The following RIC8B variants were observed in gnomAD, a reference collection of about 807,000 sequenced individuals.
The protein encoded by RIC8B is chaperone Ric-8B.
Under a neutral mutation model 57.5 loss-of-function variants are expected in RIC8B, and 16 were observed. That is an observed-to-expected ratio of 0.28 (90% confidence interval 0.19 to 0.42). RIC8B has a LOEUF of 0.42. RIC8B is among the 10% of genes least tolerant of loss of function. RIC8B has a pLI of 1.00. For missense variants in RIC8B, 481 were observed against 677.0 expected (o/e 0.71, Z 3.21); for synonymous variants, 216 against 250.8 (o/e 0.86, Z 1.31).
intron 7 of RIC8B, among the ~76,000 whole-genome samples, chr12:106,856,924 G>C (rs1949736416): frequency 6.6e-6 from 1 of 152,194 alleles, no homozygotes; most frequent in Non-Finnish European, 1.5e-5. Context: ...CTGGAAGAGG[G>C]AATGCTTGGG....
intron 4 of RIC8B, among the ~76,000 whole-genome samples, chr12:106,829,525 T>G (rs975050479): frequency 3.9e-5 from 6 of 152,248 alleles, no homozygotes; most frequent in Non-Finnish European, 7.3e-5. Context: ...GTCTCACATA[T>G]TGAAGGGGAC....
At chr12:106,838,535 C>CAAAAAAA (rs34383569) in intron 4 of RIC8B, among the ~76,000 whole-genome samples, 1 of 94,804 alleles carries the variant, frequency 1.1e-5, no homozygotes, top group Admixed American at 1.2e-4. Context: ...AATACCCTGT[C>CAAAAAAA]AAAAAAAAAA....
intron 5 of RIC8B, among the ~76,000 whole-genome samples, chr12:106,843,149 C>A (rs1192508003): frequency 1.3e-5 from 2 of 152,098 alleles, no homozygotes; most frequent in African/African-American, 4.8e-5. Flanking sequence ...CAAAAACTTG[C>A]TAAATACTCT....
At chr12:106,819,119 A>G (rs949559540) in intron 3 of RIC8B, among the ~76,000 whole-genome samples, 2 of 152,190 alleles carry the variant, frequency 1.3e-5, no homozygotes, top group Admixed American at 1.3e-4. Flanking sequence ...GAATATATAT[A>G]TACATTTTTA....
intron 5 of RIC8B, 29 bp from the exon 6 acceptor site, chr12:106,843,823 T>C (rs1949066814): frequency 1.3e-6 from 2 of 1,526,268 alleles, no homozygotes; most frequent in Non-Finnish European, 9.0e-7. Context: ...CTAACGTATT[T>C]CAAAAACATA....
intron 9 of RIC8B, among the ~76,000 whole-genome samples, chr12:106,880,616 G>T (rs778036563): frequency 6.6e-6 from 1 of 152,086 alleles, no homozygotes; most frequent in Non-Finnish European, 1.5e-5. Flanking sequence ...TGGTGAAAAG[G>T]GGGCTTGACT....
Position 106,888,832 on chromosome 12 carries a change from A to G in RIC8B, c.*2817A>G, listed in dbSNP as rs1454820655. 3 of 152,234 alleles carry G rather than the reference A, an allele frequency of 2.0e-5. No individual in the cohort carries two copies. The highest frequency in any genetic ancestry group is 6.6e-5 in the Admixed American group (1 of 15,266). 9.4% of individuals were successfully genotyped at this position (152,234 alleles called of 1,614,324 possible). A position where few individuals can be genotyped will look rare whatever the true frequency, so the allele number is the denominator to read the frequency against. On this transcript the variant is annotated 3_prime_UTR_variant, in exon 10 of 10. Coordinates refer to ENST00000392837, the MANE Select transcript of RIC8B (RefSeq NM_001330145.2). ...AGGGTACGGAGGCGTGTGTCCTAAAATAAAGCATTTGAGCTGCTGCTACAG... is the reference window on the plus strand; with the variant it reads ...AGGGTACGGAGGCGTGTGTCCTAAAGTAAAGCATTTGAGCTGCTGCTACAG...
intron 2 of RIC8B, among the ~76,000 whole-genome samples, chr12:106,785,557 T>C (rs2043964987): frequency 6.6e-6 from 1 of 151,960 alleles, no homozygotes; most frequent in Non-Finnish European, 1.5e-5. Context: ...AAAAAGTATT[T>C]ATTGGATGAG....
chr12:106,807,723 CAATT>C lies in RIC8B; in HGVS notation c.133-6970_133-6967del, dbSNP rs2045108561. On this transcript the variant is annotated intron_variant, in intron 2 of 9. Coordinates refer to ENST00000392837, the MANE Select transcript of RIC8B (RefSeq NM_001330145.2). ...TATCAGTTTCCATCACAGTGTCTAA[CAATT>C]AAACTGTTAGATGAGCCTACAGTCA... Among the ~76,000 whole-genome samples the C allele has an allele frequency of 1.3e-5, 2 of 151,992 alleles. 1 individual carries two copies. The highest frequency in any genetic ancestry group is 4.8e-5 in the African/African-American group (2 of 41,290).
intron 4 of RIC8B, among the ~76,000 whole-genome samples, chr12:106,834,702 G>A (rs191366090): frequency 2.8e-4 from 42 of 151,686 alleles, no homozygotes; most frequent in African/African-American, 8.9e-4. Context: ...AAACTATTTC[G>A]GCCGGGTGTA....
intron 2 of RIC8B, among the ~76,000 whole-genome samples, chr12:106,793,634 A>G (rs151155613): frequency 0.013 from 1,974 of 152,322 alleles, 20 homozygotes; most frequent in Middle Eastern, 0.041. Flanking sequence ...AGATCAGTCA[A>G]CCAGCAATTA....
At position 106,849,321 on chromosome 12, in the gene RIC8B, T is replaced by C. The variant is rs200349093; in HGVS notation, c.1162-2129T>C. Reference sequence around the variant, plus strand: ...TTTATTTATTTATTTATTTATTTATTTATCTATTTTTTGTAGAGACAGGGT... The same window carrying C: ...TTTATTTATTTATTTATTTATTTATCTATCTATTTTTTGTAGAGACAGGGT... On this transcript the variant is annotated intron_variant, in intron 6 of 9. Coordinates refer to ENST00000392837, the MANE Select transcript of RIC8B (RefSeq NM_001330145.2). 4.5e-4 allele frequency among the ~76,000 whole-genome samples: 60 copies of C among 134,068 alleles called. 1 individual carries two copies. The highest frequency in any genetic ancestry group is 3.9e-3 in the Middle Eastern group (1 of 258). 88.0% of individuals were successfully genotyped at this position (134,068 alleles called of 152,430 possible). A position where few individuals can be genotyped will look rare whatever the true frequency, so the allele number is the denominator to read the frequency against.
intron 2 of RIC8B, among the ~76,000 whole-genome samples, chr12:106,790,702 A>G (rs554772378): frequency 2.0e-5 from 3 of 152,232 alleles, no homozygotes; most frequent in Non-Finnish European, 2.9e-5. Flanking sequence ...AATTGCAATA[A>G]GTTTTGGAAG....
At chr12:106,783,892 G>A (rs1470263943) in intron 1 of RIC8B, 105 bp from the exon 2 acceptor site, 2 of 961,288 alleles carry the variant, frequency 2.1e-6, no homozygotes, top group East Asian at 5.0e-5. Flanking sequence ...GATACGGGAA[G>A]GCAACATTTT....
chr12:106,849,976 A>G (rs1949392349), intron 6 of RIC8B, among the ~76,000 whole-genome samples: 1 of 152,236 alleles, frequency 6.6e-6, no homozygotes, highest in South Asian at 2.1e-4. Context: ...GGCCTGATCC[A>G]TGGCCTTTAG....
At chr12:106,779,113 A>G (rs2043627921) in intron 1 of RIC8B, among the ~76,000 whole-genome samples, 1 of 152,082 alleles carries the variant, frequency 6.6e-6, no homozygotes, top group Admixed American at 6.5e-5. Flanking sequence ...GGGTTTCACC[A>G]TGTTGGTCAG....
chr12:106,851,395 C>T (rs1362352108), intron 6 of RIC8B, 55 bp from the exon 7 acceptor site: 4 of 1,438,126 alleles, frequency 2.8e-6, no homozygotes, highest in Non-Finnish European at 3.8e-6. Context: ...ATTGTACCAT[C>T]CTCACTCACT....
intron 9 of RIC8B, among the ~76,000 whole-genome samples, chr12:106,882,680 A>C (rs1231543354): frequency 6.6e-6 from 1 of 152,042 alleles, no homozygotes; most frequent in East Asian, 1.9e-4. Flanking sequence ...CCATGACATC[A>C]CATTGCTGCC....
intron 4 of RIC8B, among the ~76,000 whole-genome samples, chr12:106,838,817 T>A (rs1190054354): frequency 6.6e-6 from 1 of 150,504 alleles, no homozygotes; most frequent in Non-Finnish European, 1.5e-5. Context: ...ATTAAAAAAC[T>A]CTTAATAGCC....
Sources: allele counts gnomAD v4.1 joint callset (sites outside exome capture counted in the v4.1 genomes callset), GRCh38; gene constraint gnomAD v4.1.1; transcripts MANE v1.5; gene names NCBI Gene and HGNC (gene_info 2026-07-23, HGNC 2026-07-21).